MGAT4C: variants seen among roughly 807,000 people sequenced by gnomAD.
MGAT4C encodes alpha-1,3-mannosyl-glycoprotein 4-beta-N-acetylglucosaminyltransferase C.
In MGAT4C, 19 loss-of-function variants were observed where a neutral mutation model predicts 40.1. That is an observed-to-expected ratio of 0.47 (90% CI 0.33 to 0.70). The LOEUF is 0.70. Ranked by LOEUF, MGAT4C falls within the 30% of genes least tolerant of loss-of-function variation. The probability of loss-of-function intolerance (pLI) is 0.02; values close to 1 mark genes in which losing one functional copy is unlikely to be tolerated. For missense variants in MGAT4C, 491 were observed against 563.2 expected, an observed-to-expected ratio of 0.87 and a Z score of 1.30; for synonymous variants, 181 against 187.1, an observed-to-expected ratio of 0.97 and a Z score of 0.27.
At chr12:86,335,766 T>A (rs1007038405) in intron 3 of MGAT4C, among the ~76,000 whole-genome samples, 2 of 152,150 alleles carry the variant, frequency 1.3e-5, no homozygotes, top group African/African-American at 4.8e-5. Flanking sequence ...TGCATGACTA[T>A]CAAAACTCAT....
Position 85,976,191 on chromosome 12 carries a change from A to T in MGAT4C, c.*3098T>A, listed in dbSNP as rs1883970625. The T allele has an allele frequency of 6.6e-6, 1 of 151,036 alleles. No homozygotes were observed. Among genetic ancestry groups the T allele is most frequent in the Non-Finnish European group, 1.5e-5 (1 of 67,202 alleles). 9.4% of individuals were successfully genotyped at this position (151,036 alleles called of 1,614,324 possible). A position where few individuals can be genotyped will look rare whatever the true frequency, so the allele number is the denominator to read the frequency against. On this transcript the variant is annotated 3_prime_UTR_variant, in exon 5 of 5. Coordinates refer to ENST00000611864, the MANE Select transcript of MGAT4C (RefSeq NM_001351288.2). ...CCCAGTAAGAAATGGAATGTTCACA[A>T]CTCATAGTGTAGCTATATGAAAGAA...
At position 85,983,557 on chromosome 12, in the gene MGAT4C, A is replaced by G. The variant is rs937081464; in HGVS notation, c.261T>C (p.Tyr87=). 6.3e-6 allele frequency: 10 copies of G among 1,593,534 alleles called. No homozygotes were observed. Among genetic ancestry groups the G allele is most frequent in the African/African-American group, 2.7e-5 (2 of 73,818 alleles). ...GTAAAGGTGTGGCAGCTAGGTAGCG[A>G]TAGGTGACATTTATGGCTCCTGAGA... ...SNFSGAINVT[Y]RYLAATPLQR... Residue 87 remains tyrosine (Y), a synonymous_variant, in exon 4 of 5, where the codon TAT becomes TAC. Transcript: ENST00000611864.
chr12:86,013,373 C>G (rs1888714799), intron 2 of MGAT4C, among the ~76,000 whole-genome samples: 1 of 152,136 alleles, frequency 6.6e-6, no homozygotes, highest in South Asian at 2.1e-4. Context: ...CCTCAAGTAG[C>G]TGGGACTACA....
At chr12:86,254,475 A>G (rs755445536) in intron 1 of MGAT4C, among the ~76,000 whole-genome samples, 10 of 152,052 alleles carry the variant, frequency 6.6e-5, no homozygotes, top group Non-Finnish European at 1.3e-4. Context: ...TTGTTGACAG[A>G]ATGATATAAA....
At chr12:86,820,380 C>T (rs952471155) in intron 1 of MGAT4C, among the ~76,000 whole-genome samples, 2 of 150,696 alleles carry the variant, frequency 1.3e-5, no homozygotes, top group African/African-American at 4.8e-5. Flanking sequence ...AACATTTCTA[C>T]AACAAGGAAA....
At chr12:86,468,749 T>C (rs1836785519) in intron 2 of MGAT4C, among the ~76,000 whole-genome samples, 1 of 152,162 alleles carries the variant, frequency 6.6e-6, no homozygotes, top group African/African-American at 2.4e-5. Context: ...ATTCCCATTT[T>C]ATTACCTTTA....
At position 86,212,907 on chromosome 12, in the gene MGAT4C, AAAAAAAAAAAAAAAG is replaced by A. The variant is rs1218859157; in HGVS notation, c.-57+43317_-57+43331del. Among the ~76,000 whole-genome samples, 7 of 146,726 alleles carry A rather than the reference AAAAAAAAAAAAAAAG, an allele frequency of 4.8e-5. No homozygotes were observed. In the South Asian group the frequency reaches 6.4e-4, roughly 13 times the overall value. Reference sequence around the variant, plus strand: ...ACTCCGTCTCAAAAAAAAAAAAAAAAAAAAAAAAAAAAAAGAACACTCATTAACTGTTAGTGAGAT... The same window carrying A: ...ACTCCGTCTCAAAAAAAAAAAAAAAAAACACTCATTAACTGTTAGTGAGAT... On this transcript the variant is annotated intron_variant, in intron 1 of 4. Coordinates refer to ENST00000611864, the MANE Select transcript of MGAT4C (RefSeq NM_001351288.2).
chr12:86,663,462 C>T (rs1459181857), intron 2 of MGAT4C, among the ~76,000 whole-genome samples: 3 of 150,580 alleles, frequency 2.0e-5, no homozygotes, highest in Admixed American at 1.3e-4. Flanking sequence ...TCAAACATGA[C>T]AGTGCCAGAG....
chr12:86,175,581 C>A (rs1389485700), intron 1 of MGAT4C, among the ~76,000 whole-genome samples: 1 of 151,936 alleles, frequency 6.6e-6, no homozygotes, highest in Non-Finnish European at 1.5e-5. Context: ...TTTGTAAGTA[C>A]GTGGCTTTGT....
At position 85,975,685 on chromosome 12, in the gene MGAT4C, T is replaced by A. The variant is rs1883923215; in HGVS notation, c.*3604A>T. 6.6e-6 allele frequency: 1 copy of A among 151,006 alleles called. No individual in the cohort carries two copies. Among genetic ancestry groups the A allele is most frequent in the African/African-American group, 2.4e-5 (1 of 41,454 alleles). 9.4% of individuals were successfully genotyped at this position (151,006 alleles called of 1,614,324 possible). On this transcript the variant is annotated 3_prime_UTR_variant, in exon 5 of 5. Coordinates refer to ENST00000611864, the MANE Select transcript of MGAT4C (RefSeq NM_001351288.2). ...GCAAGATCTAGAAAGTTTGGGATCA[T>A]GAATCAAAAGAAACAGGATAAAATT...
chr12:86,417,396 A>T (rs1202420601), intron 3 of MGAT4C, among the ~76,000 whole-genome samples: 4 of 152,142 alleles, frequency 2.6e-5, no homozygotes, highest in Non-Finnish European at 5.9e-5. Context: ...AACGTAAGTA[A>T]TCATGTTATC....
intron 1 of MGAT4C, among the ~76,000 whole-genome samples, chr12:86,113,185 T>G (rs1877760561): frequency 6.6e-6 from 1 of 151,852 alleles, no homozygotes; most frequent in Non-Finnish European, 1.5e-5. Flanking sequence ...AACTTGTTCC[T>G]TATTTTATTT....
At chr12:86,533,476 C>G (rs1959016785) in intron 2 of MGAT4C, among the ~76,000 whole-genome samples, 1 of 151,894 alleles carries the variant, frequency 6.6e-6, no homozygotes, top group African/African-American at 2.4e-5. Flanking sequence ...CTCTTCTACT[C>G]TGACACTGAA....
chr12:86,323,123 C>A (rs919939036), intron 4 of MGAT4C, among the ~76,000 whole-genome samples: 8 of 149,056 alleles, frequency 5.4e-5, no homozygotes, highest in African/African-American at 2.0e-4. Context: ...GAAATATTTT[C>A]TTGGAAGTTT....
chr12:86,031,547 G>T (rs1890756456), intron 2 of MGAT4C, among the ~76,000 whole-genome samples: 1 of 151,654 alleles, frequency 6.6e-6, no homozygotes, highest in Non-Finnish European at 1.5e-5. Flanking sequence ...GTTGGAAAAA[G>T]ACATGAAAAT....
intron 1 of MGAT4C, among the ~76,000 whole-genome samples, chr12:86,742,579 A>T (rs1951084435): frequency 6.6e-6 from 1 of 151,426 alleles, no homozygotes; most frequent in Admixed American, 6.6e-5. Context: ...AAACCCTGTG[A>T]TCCGGTTTAG....
At chr12:86,616,119 C>G (rs1472453048) in intron 2 of MGAT4C, among the ~76,000 whole-genome samples, 1 of 152,022 alleles carries the variant, frequency 6.6e-6, no homozygotes, top group African/African-American at 2.4e-5. Context: ...GTTCTGCAAC[C>G]AGTATTCATT....
At chr12:86,805,853 T>G (rs569909933) in intron 1 of MGAT4C, among the ~76,000 whole-genome samples, 1 of 152,168 alleles carries the variant, frequency 6.6e-6, no homozygotes, top group East Asian at 1.9e-4. Context: ...TGTATAAGCA[T>G]TCCTTTCCCT....
intron 3 of MGAT4C, among the ~76,000 whole-genome samples, chr12:86,391,665 T>A (rs1035161227): frequency 2.6e-5 from 4 of 152,078 alleles, no homozygotes; most frequent in African/African-American, 9.7e-5. Flanking sequence ...GAGACCATCC[T>A]GACTAACATG....
Sources: allele counts gnomAD v4.1 joint callset (sites outside exome capture counted in the v4.1 genomes callset), GRCh38; gene constraint gnomAD v4.1.1; transcripts MANE v1.5; gene names NCBI Gene and HGNC (gene_info 2026-07-23, HGNC 2026-07-21).